Variants in FHIP2A observed in about 807,000 individuals in gnomAD.
The protein encoded by FHIP2A is FHF complex subunit HOOK interacting protein 2A.
A neutral mutation model predicts 93.5 loss-of-function variants in FHIP2A; 46 were observed. The observed-to-expected ratio is 0.49, with a 90% confidence interval of 0.39 to 0.63. The LOEUF (loss-of-function observed/expected upper bound fraction) is 0.63, where lower values mean the gene tolerates loss of function less well. Among genes scored for constraint, FHIP2A ranks in the 20% least tolerant of loss-of-function variants. The pLI is 0.00. For synonymous variants in FHIP2A, 332 were observed against 326.5 expected (o/e 1.02, Z -0.18); for missense variants, 769 against 909.7 (o/e 0.85, Z 1.99).
chr10:114,851,714 C>CTAAAAAA, intron 13 of FHIP2A, among the ~76,000 whole-genome samples: 1 of 81,950 alleles, frequency 1.2e-5, no homozygotes. Context: ...TCCATTTCTG[C>CTAAAAAA]AAAAAAAAAA....
rs549302862 is a variant in FHIP2A, at chr10:114,844,015, A to G, written c.1013+78A>G. ...TTTTAAAATCCATTTCTATTTTGCA[A>G]TGGTAGAAGTCTTTGAAAAATTGAA... On this transcript the variant is annotated intron_variant, in intron 7 of 16. Coordinates refer to ENST00000369248, the MANE Select transcript of FHIP2A (RefSeq NM_020940.4). 2.2e-5 allele frequency: 27 copies of G among 1,234,954 alleles called. No homozygotes were observed. In the African/African-American group the frequency reaches 2.7e-4, roughly 12 times the overall value. The allele number at this position is 1,234,954 out of a possible 1,614,324, so 76.5% of individuals were successfully genotyped here. A position where few individuals can be genotyped will look rare whatever the true frequency, so the allele number is the denominator to read the frequency against.
At chr10:114,857,429 C>T (rs1449454319) in intron 14 of FHIP2A, among the ~76,000 whole-genome samples, 2 of 151,792 alleles carry the variant, frequency 1.3e-5, no homozygotes, top group African/African-American at 2.4e-5. Flanking sequence ...CCCGTCTCAG[C>T]GTCCTGAGTA....
At chr10:114,839,198 G>T (rs1347980626) in intron 5 of FHIP2A, among the ~76,000 whole-genome samples, 1 of 152,076 alleles carries the variant, frequency 6.6e-6, no homozygotes, top group African/African-American at 2.4e-5. Flanking sequence ...TGCAATCTCG[G>T]CTCACTGCAG....
intron 16 of FHIP2A, among the ~76,000 whole-genome samples, chr10:114,871,991 ACT>A (rs1307299534): frequency 6.6e-6 from 1 of 152,148 alleles, no homozygotes; most frequent in Non-Finnish European, 1.5e-5. Flanking sequence ...GTAAGTCCAG[ACT>A]CTGATAAGTC....
chr10:114,827,275 A>G (rs1472081024), intron 1 of FHIP2A, among the ~76,000 whole-genome samples: 3 of 152,248 alleles, frequency 2.0e-5, no homozygotes, highest in African/African-American at 7.2e-5. Flanking sequence ...CACCTGGCAC[A>G]TAACTACTCA....
intron 16 of FHIP2A, among the ~76,000 whole-genome samples, chr10:114,885,735 T>C (rs1278163202): frequency 6.6e-6 from 1 of 152,192 alleles, no homozygotes; most frequent in Non-Finnish European, 1.5e-5. Flanking sequence ...CTGCTGAAGC[T>C]CCTGCAGGAA....
At chr10:114,865,543 G>C (rs893151952), downstream of FHIP2A, among the ~76,000 whole-genome samples, 9 of 152,212 alleles carry the variant, frequency 5.9e-5, no homozygotes, top group Admixed American at 4.6e-4. Context: ...ATGATAGGTT[G>C]AAAGGATGGA....
chr10:114,864,446 G>C lies in FHIP2A; in HGVS notation c.*2906G>C. 1 of 985,830 alleles carries C rather than the reference G, an allele frequency of 1.0e-6. No individual in the cohort carries two copies. The highest frequency in any genetic ancestry group is 1.2e-6 in the Non-Finnish European group (1 of 829,912). 61.1% of individuals were successfully genotyped at this position (985,830 alleles called of 1,614,324 possible). On this transcript the variant is annotated 3_prime_UTR_variant, in exon 17 of 17. Transcript: ENST00000369248. ...CACATTTTCTGGGCCCTGTAAAATAGTGTTACTGTAATACTCTGTTTTGCC... is the reference window on the plus strand; with the variant it reads ...CACATTTTCTGGGCCCTGTAAAATACTGTTACTGTAATACTCTGTTTTGCC...
intron 1 of FHIP2A, among the ~76,000 whole-genome samples, chr10:114,824,128 A>G (rs1301163148): frequency 6.6e-6 from 1 of 152,216 alleles, no homozygotes; most frequent in Admixed American, 6.5e-5. Context: ...ATTTTATAAC[A>G]GGGACTTGAA....
chr10:114,847,023 G>C, intron 11 of FHIP2A, 67 bp from the exon 12 acceptor site: 1 of 1,339,900 alleles, frequency 7.5e-7, no homozygotes, highest in African/African-American at 1.5e-5. Flanking sequence ...ACATAGCAGA[G>C]AATCTTTTGG....
chr10:114,853,147 A>T (rs2083746564), intron 13 of FHIP2A, among the ~76,000 whole-genome samples: 2 of 152,322 alleles, frequency 1.3e-5, no homozygotes, highest in South Asian at 2.1e-4. Context: ...GATAGGATTC[A>T]TGCTTGATTT....
In FHIP2A at chr10:114,871,019, C is replaced by CAT. The variant is rs35061998; in HGVS notation, c.2192+9699_2192+9700dup. 5.7e-3 allele frequency among the ~76,000 whole-genome samples: 844 copies of CAT among 149,026 alleles called. 7 individuals are homozygous for CAT. The highest frequency in any genetic ancestry group is 0.017 in the South Asian group (81 of 4,716). ...CCATAGCAATTGATTTTAGCCTCCA[C>CAT]ATATATATATATATACACATACATA... On this transcript the variant is annotated intron_variant, in intron 16 of 16. Transcript: ENST00000369250.
chr10:114,874,565 C>T lies in FHIP2A; in HGVS notation c.2192+13231C>T, dbSNP rs150742916. Among the ~76,000 whole-genome samples the T allele has an allele frequency of 4.1e-3, 617 of 152,244 alleles. 3 individuals carry two copies. Among genetic ancestry groups the T allele is most frequent in the African/African-American group, 0.014 (576 of 41,532 alleles). On this transcript the variant is annotated intron_variant, in intron 16 of 16. Coordinates refer to the FHIP2A transcript ENST00000369250. ...TTGCCCAAGCTGGAGTGCAGTGGCACAATCTTGGCTCAGTGCAACCTCCGC... is the reference window on the plus strand; with the variant it reads ...TTGCCCAAGCTGGAGTGCAGTGGCATAATCTTGGCTCAGTGCAACCTCCGC...
intron 1 of FHIP2A, among the ~76,000 whole-genome samples, chr10:114,826,600 A>T (rs2083578097): frequency 6.6e-6 from 1 of 152,176 alleles, no homozygotes; most frequent in South Asian, 2.1e-4. Context: ...TGGAGTTGTT[A>T]TAGAAGGCTC....
intron 2 of FHIP2A, among the ~76,000 whole-genome samples, chr10:114,832,086 G>C (rs1324357956): frequency 2.0e-5 from 3 of 152,102 alleles, no homozygotes; most frequent in Non-Finnish European, 4.4e-5. Context: ...AAAGAATTTG[G>C]CACTTCCTAA....
In FHIP2A at chr10:114,863,911, A is replaced by G; in HGVS notation, c.*2371A>G. The G allele has an allele frequency of 9.2e-7, 1 of 1,084,162 alleles. No individual in the cohort carries two copies. The highest frequency in any genetic ancestry group is 1.7e-5 in the African/African-American group (1 of 58,726). 67.2% of individuals were successfully genotyped at this position (1,084,162 alleles called of 1,614,324 possible). A position where few individuals can be genotyped will look rare whatever the true frequency, so the allele number is the denominator to read the frequency against. On this transcript the variant is annotated 3_prime_UTR_variant, in exon 17 of 17. Coordinates refer to ENST00000369248, the MANE Select transcript of FHIP2A (RefSeq NM_020940.4). ...TATGCACATTTTTTAAAACTTTCTA[A>G]CAATATAGTCTTTGGATTTGTTTTT...
chr10:114,840,057 G>A (rs915677947), intron 5 of FHIP2A, among the ~76,000 whole-genome samples: 7 of 151,964 alleles, frequency 4.6e-5, no homozygotes, highest in Non-Finnish European at 1.0e-4. Flanking sequence ...AGATTCATCA[G>A]CTCTAGGTCA....
intron 1 of FHIP2A, among the ~76,000 whole-genome samples, chr10:114,829,507 A>G (rs1288455582): frequency 1.3e-5 from 2 of 152,256 alleles, no homozygotes; most frequent in African/African-American, 4.8e-5. Flanking sequence ...AGCAGTAAAG[A>G]TAACTGGAGG....
intron 13 of FHIP2A, 53 bp from the exon 14 acceptor site, chr10:114,855,144 T>C: frequency 6.4e-7 from 1 of 1,562,470 alleles, no homozygotes; most frequent in African/African-American, 1.4e-5. Context: ...CATTTCTATT[T>C]CATCTTAATT....
Sources: gnomAD v4.1 joint callset for allele counts (sites outside exome capture counted in the v4.1 genomes callset) on GRCh38, gnomAD v4.1.1 for gene constraint, MANE v1.5 for transcripts, NCBI Gene and HGNC (gene_info 2026-07-23, HGNC 2026-07-21) for gene names.